Variants in SUN2 observed in about 807,000 individuals in gnomAD.
SUN2 encodes Sad1 and UNC84 domain containing 2.
In SUN2, 60 loss-of-function variants were observed where a neutral mutation model predicts 100.0. The observed-to-expected ratio is 0.60, with a 90% CI of 0.49 to 0.74. The LOEUF (loss-of-function observed/expected upper bound fraction) is 0.74, where lower values mean the gene tolerates loss of function less well. Among genes scored for constraint, SUN2 ranks in the 30% least tolerant of loss-of-function variants. The probability of loss-of-function intolerance (pLI) is 0.00; values close to 1 mark genes in which losing one functional copy is unlikely to be tolerated. For missense variants in SUN2, 834 were observed against 954.6 expected (o/e 0.87, Z 1.66); for synonymous variants, 367 against 403.3 (o/e 0.91, Z 1.08).
Position 38,755,886 on chromosome 22 carries a change from G to A in SUN2, c.-161C>T. The A allele has an allele frequency of 1.0e-6, 1 of 982,252 alleles. No homozygotes were observed. The highest frequency in any genetic ancestry group is 1.2e-6 in the Non-Finnish European group (1 of 828,688). 60.8% of individuals were successfully genotyped at this position (982,252 alleles called of 1,614,324 possible). On this transcript the variant is annotated 5_prime_UTR_variant, in exon 1 of 18. Coordinates refer to ENST00000689035, the MANE Select transcript of SUN2 (RefSeq NM_015374.3). The surrounding 1 kb of genome is among the most constrained non-coding windows in gnomAD (Gnocchi z 5.7). ...TCCGCTCAGGGCGACACAGCGGCCG[G>A]GCCCGGGGCGCGCGGGCACGCGAAG...
rs911202446 is a variant in SUN2 at position 38,738,527 on chromosome 22, A to ACT, written c.1947+59_1947+60insAG. ...GGGTGACCCTGACTTGATCCTCAGTAGAGAGGCCCACAGGATCCCCCTGCA... is the reference window on the plus strand; with the variant it reads ...GGGTGACCCTGACTTGATCCTCAGTACTGAGAGGCCCACAGGATCCCCCTGCA... On this transcript the variant is annotated intron_variant, in intron 16 of 17. Coordinates refer to ENST00000689035, the MANE Select transcript of SUN2 (RefSeq NM_015374.3). This position sits in a 1 kb window ranked among gnomAD's most constrained non-coding sequence, Gnocchi z 6.6. 3 of 1,577,072 alleles carry ACT rather than the reference A, an allele frequency of 1.9e-6. No homozygotes were observed. The highest frequency in any genetic ancestry group is 2.6e-6 in the Non-Finnish European group (3 of 1,155,792).
rs2145981762 is a variant in SUN2, at chr22:38,742,522, G to T, written c.847C>A (p.Leu283Met). 6.2e-7 allele frequency: 1 copy of T among 1,613,106 alleles called. No individual in the cohort carries two copies. ...GCAAGAGCTTCCAGACGCCGCTCCA[G>T]AGAGTGTACCCGGGACATAACACGC... ...EQRVMSRVHS[L>M]ERRLEALAAE... Residue 283 changes from leucine to methionine, a missense_variant, in exon 9 of 18, where the codon CTG becomes ATG. Transcript: ENST00000689035.
rs373597815 is a variant in SUN2, at chr22:38,740,270, G to A, written c.1353C>T (p.Asp451=). The part of the protein sequence containing the change: ...LLPQQIQAVR[D]DVESQFPAWI... ...GGCCCTGGTGGTTCCCACTCACGTC[G>A]TCCCGCACGGCCTGGATCTGCTGGG... The change falls in exon 12 of 18, where the codon GAC becomes GAT. Residue 451 remains aspartate (D), a synonymous_variant. Transcript: ENST00000689035. This position sits in a 1 kb window ranked among gnomAD's most constrained non-coding sequence, Gnocchi z 4.8. 5.8e-5 allele frequency: 92 copies of A among 1,585,376 alleles called. No individual in the cohort carries two copies. The highest frequency in any genetic ancestry group is 6.8e-5 in the Non-Finnish European group (79 of 1,165,166).
chr22:38,748,762 C>G lies in SUN2; in HGVS notation c.636G>C (p.Thr212=), dbSNP rs200221237. 1 of 1,614,232 alleles carries G rather than the reference C, an allele frequency of 6.2e-7. No homozygotes were observed. Among genetic ancestry groups the G allele is most frequent in the Non-Finnish European group, 8.5e-7 (1 of 1,180,034 alleles). Reference sequence around the variant, plus strand: ...GCAGCGGCAGCAGGAACCAGAGGAACGTCTTCAGGGACGAGAAGCGCCTGG... The same window carrying G: ...GCAGCGGCAGCAGGAACCAGAGGAAGGTCTTCAGGGACGAGAAGCGCCTGG... The part of the protein sequence containing the change: ...VLTRRFSSLK[T]FLWFLLPLLL... The change falls in exon 7 of 18, where the codon ACG becomes ACC. Residue 212 remains threonine, a synonymous_variant. Transcript: ENST00000689035.
At chr22:38,754,828 G>C in intron 1 of SUN2, 1 of 1,285,540 alleles carries the variant, frequency 7.8e-7, no homozygotes, top group Non-Finnish European at 1.0e-6. Flanking sequence ...ACCCGCCTCC[G>C]CCCTCCCAGA....
chr22:38,737,175 C>T lies in SUN2; in HGVS notation c.2041-795G>A, dbSNP rs1437201481. Among the ~76,000 whole-genome samples the T allele has an allele frequency of 6.6e-6, 1 of 152,178 alleles. No individual in the cohort carries two copies. The highest frequency in any genetic ancestry group is 2.4e-5 in the African/African-American group (1 of 41,444). On this transcript the variant is annotated intron_variant, in intron 17 of 17. Coordinates refer to ENST00000689035, the MANE Select transcript of SUN2 (RefSeq NM_015374.3). The surrounding 1 kb of genome is among the most constrained non-coding windows in gnomAD (Gnocchi z 4.1). Reference sequence around the variant, plus strand: ...ATACTTTCCTAAAGAGAAATCCCAACCTCTCTTGCAGCCTAGTTACCTCCT... The same window carrying T: ...ATACTTTCCTAAAGAGAAATCCCAATCTCTCTTGCAGCCTAGTTACCTCCT...
chr22:38,750,066 G>A (rs553827277), intron 5 of SUN2, among the ~76,000 whole-genome samples, 159 bp downstream of exon 5: 4 of 152,208 alleles, frequency 2.6e-5, no homozygotes, highest in Non-Finnish European at 5.9e-5. Context: ...CACGCAAGGG[G>A]GTCCCCACAG....
At position 38,747,648 on chromosome 22, in the gene SUN2, A is replaced by G. The variant is rs1287762100; in HGVS notation, c.685+1065T>C. Among the ~76,000 whole-genome samples the G allele has an allele frequency of 3.3e-5, 5 of 152,202 alleles. No homozygotes were observed. In the East Asian group the frequency reaches 9.6e-4, roughly 29 times the overall value. ...AAAAAGCTGAACACAAAATGTCTAT[A>G]TAAACAAGGAAGGGCTGGGTGCAGT... On this transcript the variant is annotated intron_variant, in intron 7 of 17. Transcript: ENST00000689035.
intron 2 of SUN2, 131 bp from the exon 3 acceptor site, chr22:38,751,504 G>A: frequency 1.1e-6 from 1 of 911,808 alleles, no homozygotes. Context: ...GCAACTCGCA[G>A]CTGCCATTCC....
At position 38,739,404 on chromosome 22, in the gene SUN2, T is replaced by A; in HGVS notation, c.1601A>T (p.Gln534Leu). 6.2e-7 allele frequency: 1 copy of A among 1,613,116 alleles called. No individual in the cohort carries two copies. The highest frequency in any genetic ancestry group is 8.5e-7 in the Non-Finnish European group (1 of 1,180,012). The change falls in exon 14 of 18, where the codon CAG becomes CTG. Residue 534 changes from glutamine (Q) to leucine (L), a missense_variant. Transcript: ENST00000689035. This position sits in a 1 kb window ranked among gnomAD's most constrained non-coding sequence, Gnocchi z 6.7. ...GTCCTCACTGTAGCGCTGCAGGGCC[T>A]GCTTCACGATGTGGTGCACCTGCTG... ...TEEQVHHIVK[Q>L]ALQRYSEDRI...
intron 7 of SUN2, among the ~76,000 whole-genome samples, chr22:38,747,882 G>A (rs1025581576): frequency 6.6e-6 from 1 of 152,142 alleles, no homozygotes; most frequent in African/African-American, 2.4e-5. Flanking sequence ...GGTCAAGGCT[G>A]CAGTGAGCTG....
At position 38,752,502 on chromosome 22, in the gene SUN2, C is replaced by G. The variant is rs1438240677; in HGVS notation, c.122+5G>C. On this transcript the variant is annotated splice_donor_5th_base_variant and intron_variant, in intron 2 of 17. Coordinates refer to ENST00000689035, the MANE Select transcript of SUN2 (RefSeq NM_015374.3). ...AGGGGCCGTGGCACTCCCTTGGGTCCCTACCTGAGAGGACTGTCTTTAAAC... is the reference window on the plus strand; with the variant it reads ...AGGGGCCGTGGCACTCCCTTGGGTCGCTACCTGAGAGGACTGTCTTTAAAC... 2 of 1,607,904 alleles carry G rather than the reference C, an allele frequency of 1.2e-6. No homozygotes were observed. Among genetic ancestry groups the G allele is most frequent in the East Asian group, 4.5e-5 (2 of 44,738 alleles).
rs182710324 is a variant in SUN2, at chr22:38,738,694, G to A, written c.1840C>T (p.Arg614Cys). Residue 614 changes from arginine to cysteine, a missense_variant, in exon 16 of 18, where the codon CGC (arginine) becomes TGC (cysteine). Coordinates refer to ENST00000689035, the MANE Select transcript of SUN2 (RefSeq NM_015374.3). The surrounding 1 kb of genome is among the most constrained non-coding windows in gnomAD (Gnocchi z 6.6). ...FQGPQGFAVV[R>C]LSARIRPTAV... is the part of the protein sequence containing the mutation. ...GTGGGGCGGATGCGGGCAGAGAGGC[G>A]GACCACGGCGAAGCCTTGTGGCCCC... The A allele has an allele frequency of 1.9e-6, 3 of 1,613,764 alleles. No individual in the cohort carries two copies. The highest frequency in any genetic ancestry group is 8.5e-7 in the Non-Finnish European group (1 of 1,180,006).
chr22:38,747,959 C>A (rs911941981), intron 7 of SUN2, among the ~76,000 whole-genome samples: 1 of 152,084 alleles, frequency 6.6e-6, no homozygotes, highest in Admixed American at 6.6e-5. Flanking sequence ...AACAAAAAAC[C>A]AAGGCAGGCC....
Position 38,755,057 on chromosome 22 carries a change from A to G in SUN2, c.-38+706T>C, listed in dbSNP as rs115271757. 46,045 of 1,082,130 alleles carry G rather than the reference A, an allele frequency of 0.043. 1,203 individuals carry two copies. Among genetic ancestry groups the G allele is most frequent in the Non-Finnish European group, 0.05 (41,758 of 828,832 alleles). The allele number at this position is 1,082,130 out of a possible 1,614,324, so 67.0% of individuals were successfully genotyped here. On this transcript the variant is annotated intron_variant, in intron 1 of 17. Coordinates refer to ENST00000689035, the MANE Select transcript of SUN2 (RefSeq NM_015374.3). The surrounding 1 kb of genome is among the most constrained non-coding windows in gnomAD (Gnocchi z 5.7). ...ATCAGTTAGGAAACGCTCATCGGAA[A>G]GCATCCTTCCCCACTTCTCAGCTGG...
rs775900080 is a variant in SUN2 at position 38,742,389 on chromosome 22, T to C, written c.980A>G (p.Asp327Gly). The C allele has an allele frequency of 6.2e-7, 1 of 1,613,232 alleles. No individual in the cohort carries two copies. Among genetic ancestry groups the C allele is most frequent in the South Asian group, 1.1e-5 (1 of 91,068 alleles). The change falls in exon 9 of 18, where the codon GAC (aspartate) becomes GGC (glycine). Residue 327 changes from aspartate to glycine, a missense_variant. Physicochemically the swap from Asp to Gly is moderately conservative, Grantham distance 94. Coordinates refer to ENST00000689035, the MANE Select transcript of SUN2 (RefSeq NM_015374.3). ...QGGGGGLSHE[D>G]TLALLEGLVS... ...TAGCCCCTCCAGCAGCGCCAGGGTG[T>C]CCTCGTGGCTCAGGCCACCACCACC...
rs367748523 is a variant in SUN2 at position 38,751,191 on chromosome 22, C to T, written c.286+19G>A. 25 of 1,606,292 alleles carry T rather than the reference C, an allele frequency of 1.6e-5. No homozygotes were observed. In the East Asian group the frequency reaches 2.0e-4, roughly 13 times the overall value. ...AGGCCGAGGAAGCAAAGCCCCGGGACGGAGGGCTCCACACTCACCCCAGTT... is the reference window on the plus strand; with the variant it reads ...AGGCCGAGGAAGCAAAGCCCCGGGATGGAGGGCTCCACACTCACCCCAGTT... On this transcript the variant is annotated intron_variant, in intron 3 of 17. Transcript: ENST00000689035.
Position 38,739,307 on chromosome 22 carries a change from A to G in SUN2, c.1663+35T>C, listed in dbSNP as rs868775705. 7 of 1,608,580 alleles carry G rather than the reference A, an allele frequency of 4.4e-6. No individual in the cohort carries two copies. The Middle Eastern group carries it at 9.9e-4, about 228-fold the overall frequency. On this transcript the variant is annotated intron_variant, in intron 14 of 17. Transcript: ENST00000689035. The surrounding 1 kb of genome is among the most constrained non-coding windows in gnomAD (Gnocchi z 6.7). Reference sequence around the variant, plus strand: ...CAGGGGACCGGCCATTGCGGGGTCCAGGACAAGGCAGAGCGAGGAAAGCAG... The same window carrying G: ...CAGGGGACCGGCCATTGCGGGGTCCGGGACAAGGCAGAGCGAGGAAAGCAG...
rs527242947 is a variant in SUN2 at position 38,737,858 on chromosome 22, T to C, written c.2040+315A>G. ...AGAATGCCCGCGCCCTGGCATGTGC[T>C]GGCGGCGGCTCCTCGAACGCCTCTC... is the stretch of plus-strand genomic sequence containing the variant. On this transcript the variant is annotated intron_variant, in intron 17 of 17. Coordinates refer to ENST00000689035, the MANE Select transcript of SUN2 (RefSeq NM_015374.3). This position sits in a 1 kb window ranked among gnomAD's most constrained non-coding sequence, Gnocchi z 4.1. The C allele has an allele frequency of 1.1e-4, 64 of 559,736 alleles. No homozygotes were observed. Among genetic ancestry groups the C allele is most frequent in the Non-Finnish European group, 1.4e-4 (39 of 287,066 alleles). The allele number at this position is 559,736 out of a possible 1,614,324, so 34.7% of individuals were successfully genotyped here.
Sources: gnomAD v4.1 joint callset for allele counts (sites outside exome capture counted in the v4.1 genomes callset) on GRCh38, gnomAD v4.1.1 for gene constraint, Gnocchi (gnomAD v3.1) non-coding constraint, MANE v1.5 for transcripts, NCBI Gene and HGNC (gene_info 2026-07-23, HGNC 2026-07-21) for gene names.